STON2: variants seen among roughly 807,000 people sequenced by gnomAD.
STON2 encodes stonin-2.
A neutral mutation model predicts 65.7 loss-of-function variants in STON2; 29 were observed. That is an observed-to-expected ratio of 0.44 (90% CI 0.33 to 0.60). The LOEUF is 0.60. STON2 is among the 20% of genes least tolerant of loss of function. The probability of loss-of-function intolerance (pLI) is 0.03; values close to 1 mark genes in which losing one functional copy is unlikely to be tolerated. For synonymous variants in STON2, 404 were observed against 414.2 expected (o/e 0.98, Z 0.30); for missense variants, 1,054 against 1,118.1 (o/e 0.94, Z 0.82).
intron 4 of STON2, among the ~76,000 whole-genome samples, chr14:81,341,702 T>TG (rs1237159781): frequency 6.6e-6 from 1 of 152,168 alleles, no homozygotes; most frequent in African/African-American, 2.4e-5. Context: ...TTCTAGATAG[T>TG]GCTAGTCCAC....
intron 4 of STON2, among the ~76,000 whole-genome samples, chr14:81,363,901 A>G (rs1411426409): frequency 2.6e-5 from 4 of 152,180 alleles, no homozygotes. Context: ...TTGGAGCTCT[A>G]TGAGCTGCAG....
intron 4 of STON2, among the ~76,000 whole-genome samples, chr14:81,335,910 G>T (rs1426389950): frequency 6.6e-6 from 1 of 152,072 alleles, no homozygotes; most frequent in Non-Finnish European, 1.5e-5. Flanking sequence ...ATTAAGAGGA[G>T]GTACCTGAAA....
At position 81,265,178 on chromosome 14, in the gene STON2, G is replaced by A. The variant is rs1442910283; in HGVS notation, c.*3236C>T. 3.1e-6 allele frequency: 3 copies of A among 983,164 alleles called. No individual in the cohort carries two copies. Among genetic ancestry groups the A allele is most frequent in the Non-Finnish European group, 3.6e-6 (3 of 829,744 alleles). 60.9% of individuals were successfully genotyped at this position (983,164 alleles called of 1,614,324 possible). A position where few individuals can be genotyped will look rare whatever the true frequency, so the allele number is the denominator to read the frequency against. On this transcript the variant is annotated 3_prime_UTR_variant, in exon 8 of 8. Transcript: ENST00000614646. ...TGTTTTCTATGTAGGTTATTACATA[G>A]CTAATTTGCCCACTTGTATTTTCTT...
At chr14:81,388,237 C>T (rs1018824589) in intron 3 of STON2, among the ~76,000 whole-genome samples, 1 of 152,002 alleles carries the variant, frequency 6.6e-6, no homozygotes, top group Non-Finnish European at 1.5e-5. Context: ...CGTGAGCCAC[C>T]GCACCTGACC....
At chr14:81,273,720 A>G (rs902723248) in intron 6 of STON2, among the ~76,000 whole-genome samples, 2 of 152,158 alleles carry the variant, frequency 1.3e-5, no homozygotes, top group Admixed American at 6.5e-5. Context: ...CAAGCCTGCT[A>G]TAGGCTAGGG....
chr14:81,319,914 G>A (rs993558556), intron 5 of STON2, among the ~76,000 whole-genome samples: 4 of 152,174 alleles, frequency 2.6e-5, no homozygotes, highest in African/African-American at 4.8e-5. Flanking sequence ...CCCATAAGGG[G>A]ACCATGTCCA....
intron 5 of STON2, chr14:81,323,542 G>A (rs958675941): frequency 2.6e-5 from 4 of 151,932 alleles, no homozygotes; most frequent in Non-Finnish European, 5.9e-5. Context: ...TGCATCTTCC[G>A]TTCCACACTG....
At chr14:81,423,653 C>G (rs918026689) in intron 2 of STON2, among the ~76,000 whole-genome samples, 6 of 152,192 alleles carry the variant, frequency 3.9e-5, no homozygotes, top group Non-Finnish European at 8.8e-5. Flanking sequence ...AAAACAGACG[C>G]ATGGGCATAA....
intron 4 of STON2, among the ~76,000 whole-genome samples, chr14:81,344,300 A>G (rs1019930436): frequency 2.6e-5 from 4 of 152,244 alleles, no homozygotes; most frequent in Admixed American, 2.6e-4. Context: ...AGTAAGGAAT[A>G]AAAGTCCTAT....
In STON2 at chr14:81,268,157, A is replaced by G. The variant is rs1894428615; in HGVS notation, c.*257T>C. ...GACAAGGAGGCTTAATTATACAGTA[A>G]GCTCCAACAGTCAGGTGAACCTCGT... On this transcript the variant is annotated 3_prime_UTR_variant, in exon 8 of 8. Coordinates refer to ENST00000614646, the MANE Select transcript of STON2 (RefSeq NM_001394390.1). The G allele has an allele frequency of 2.7e-6, 3 of 1,099,062 alleles. No individual in the cohort carries two copies. In the South Asian group the frequency reaches 7.3e-5, roughly 27 times the overall value. 68.1% of individuals were successfully genotyped at this position (1,099,062 alleles called of 1,614,324 possible).
chr14:81,401,071 A>ACGTTG, upstream of STON2, among the ~76,000 whole-genome samples: 1 of 152,284 alleles, frequency 6.6e-6, no homozygotes, highest in East Asian at 1.9e-4. Flanking sequence ...GACTCGCCCA[A>ACGTTG]CGTTGCGTAA....
intron 4 of STON2, among the ~76,000 whole-genome samples, chr14:81,339,511 G>A (rs1897509429): frequency 6.6e-6 from 1 of 152,134 alleles, no homozygotes; most frequent in Non-Finnish European, 1.5e-5. Flanking sequence ...ACATTCCCAA[G>A]GCCCTGAGTA....
chr14:81,298,126 T>C (rs1468091647), intron 5 of STON2, among the ~76,000 whole-genome samples: 1 of 152,120 alleles, frequency 6.6e-6, no homozygotes, highest in African/African-American at 2.4e-5. Context: ...CAGGAATCTG[T>C]AATTAGAAAG....
At chr14:81,398,021 A>G (rs569391462) in intron 2 of STON2, among the ~76,000 whole-genome samples, 3 of 152,304 alleles carry the variant, frequency 2.0e-5, no homozygotes, top group Admixed American at 6.5e-5. Flanking sequence ...AGAGTAAAGT[A>G]TTTGGTAAAT....
At chr14:81,306,220 CTTTTTTTTTTTTTTT>C (rs59730707) in intron 5 of STON2, among the ~76,000 whole-genome samples, 3 of 69,490 alleles carry the variant, frequency 4.3e-5, no homozygotes, top group Admixed American at 2.2e-4. Context: ...CATACATACT[CTTTTTTTTTTTTTTT>C]TTTTTTTTTT....
intron 5 of STON2, among the ~76,000 whole-genome samples, chr14:81,317,179 G>C (rs901806498): frequency 2.0e-5 from 3 of 152,212 alleles, no homozygotes; most frequent in Admixed American, 1.3e-4. Context: ...GCAAGAGAAA[G>C]AGCAAGAGAG....
chr14:81,418,564 G>A (rs1169098703), intron 2 of STON2, among the ~76,000 whole-genome samples: 2 of 152,138 alleles, frequency 1.3e-5, no homozygotes, highest in Non-Finnish European at 2.9e-5. Context: ...TAAAAAAAAG[G>A]CAAAAAGTTA....
At position 81,308,853 on chromosome 14, in the gene STON2, CACAT is replaced by C. The variant is rs1334845884; in HGVS notation, c.742+15160_742+15163del. ...GTGTGTGTGTATATATATATATATACACATACATACATACATACATACATACACT... is the reference window on the plus strand; with the variant it reads ...GTGTGTGTGTATATATATATATATACACATACATACATACATACATACACT... On this transcript the variant is annotated intron_variant, in intron 5 of 7. Transcript: ENST00000614646. 5.6e-4 allele frequency among the ~76,000 whole-genome samples: 5 copies of C among 8,992 alleles called. 1 individual carries two copies. Among genetic ancestry groups the C allele is most frequent in the Admixed American group, 4.7e-3 (4 of 854 alleles). 5.9% of individuals were successfully genotyped at this position (8,992 alleles called of 152,430 possible). A position where few individuals can be genotyped will look rare whatever the true frequency, so the allele number is the denominator to read the frequency against.
Position 81,261,944 on chromosome 14 carries a change from T to TAAAAA in STON2, c.*6465_*6469dup, listed in dbSNP as rs753081402. On this transcript the variant is annotated 3_prime_UTR_variant, in exon 8 of 8. Transcript: ENST00000614646. ...CTGTTTCTGTTGTCTGGGGAAATGA[T>TAAAAA]AAAAAAAAAAAAAAAAAAGAGAGAG... The TAAAAA allele has an allele frequency of 3.5e-5, 42 of 1,196,616 alleles. No individual in the cohort carries two copies. Among genetic ancestry groups the TAAAAA allele is most frequent in the South Asian group, 2.4e-4 (9 of 37,430 alleles). The allele number at this position is 1,196,616 out of a possible 1,614,324, so 74.1% of individuals were successfully genotyped here.
Sources: allele counts gnomAD v4.1 joint callset (sites outside exome capture counted in the v4.1 genomes callset), GRCh38; gene constraint gnomAD v4.1.1; transcripts MANE v1.5; gene names NCBI Gene and HGNC (gene_info 2026-07-23, HGNC 2026-07-21).